PRKD1: variants seen among roughly 807,000 people sequenced by gnomAD.
PRKD1 encodes protein kinase D1.
In PRKD1, 63 loss-of-function variants were observed where a neutral mutation model predicts 95.9. That is an observed-to-expected ratio of 0.66 (90% CI 0.54 to 0.81). The LOEUF (loss-of-function observed/expected upper bound fraction) is 0.81, where lower values mean the gene tolerates loss of function less well. PRKD1 is among the 30% of genes least tolerant of loss of function. The pLI is 0.00. For synonymous variants in PRKD1, 425 were observed against 423.1 expected, an observed-to-expected ratio of 1.00 and a Z score of -0.05; for missense variants, 1,048 against 1,165.3, an observed-to-expected ratio of 0.90 and a Z score of 1.47.
At chr14:29,882,959 G>C (rs1893567376) in intron 1 of PRKD1, among the ~76,000 whole-genome samples, 1 of 152,144 alleles carries the variant, frequency 6.6e-6, no homozygotes, top group Admixed American at 6.5e-5. Flanking sequence ...GTATTACGTT[G>C]TTCTAGCATT....
At chr14:29,878,341 CAAAA>C (rs58074850) in intron 1 of PRKD1, among the ~76,000 whole-genome samples, 33 of 49,840 alleles carry the variant, frequency 6.6e-4, no homozygotes, top group Non-Finnish European at 1.5e-3. Flanking sequence ...GTTCTAATGA[CAAAA>C]AAAAAAAAAA....
intron 4 of PRKD1, among the ~76,000 whole-genome samples, chr14:29,641,711 C>T (rs1176345926): frequency 2.0e-5 from 3 of 151,980 alleles, no homozygotes; most frequent in African/African-American, 7.3e-5. Context: ...GGGTTTTTAT[C>T]CTTCCTTCAA....
intron 1 of PRKD1, among the ~76,000 whole-genome samples, chr14:29,845,523 T>G (rs149280953): frequency 2.6e-5 from 4 of 152,156 alleles, no homozygotes; most frequent in African/African-American, 9.6e-5. Context: ...GACAATGGGA[T>G]AGAAATAAAT....
chr14:29,851,901 TA>T (rs1462004893), intron 1 of PRKD1, among the ~76,000 whole-genome samples: 2 of 152,036 alleles, frequency 1.3e-5, no homozygotes, highest in African/African-American at 4.8e-5. Context: ...TACACAGCCA[TA>T]AAAAAGAACA....
intron 4 of PRKD1, among the ~76,000 whole-genome samples, chr14:29,653,312 T>C (rs960762362): frequency 2.0e-5 from 3 of 152,266 alleles, no homozygotes; most frequent in African/African-American, 7.2e-5. Context: ...ATGTTAAGAA[T>C]AACCAAAAAG....
chr14:29,684,908 T>C (rs959446439), intron 2 of PRKD1, among the ~76,000 whole-genome samples: 1 of 152,256 alleles, frequency 6.6e-6, no homozygotes, highest in African/African-American at 2.4e-5. Flanking sequence ...TTCTTGCTTT[T>C]CATGCTTTGA....
intron 1 of PRKD1, among the ~76,000 whole-genome samples, chr14:29,834,579 A>G (rs906124476): frequency 1.4e-4 from 21 of 152,186 alleles, no homozygotes; most frequent in African/African-American, 5.1e-4. Flanking sequence ...ATTTATAGAT[A>G]ATTTACTATA....
At chr14:29,906,950 C>T (rs980584424) in intron 1 of PRKD1, among the ~76,000 whole-genome samples, 8 of 152,242 alleles carry the variant, frequency 5.3e-5, no homozygotes, top group East Asian at 3.9e-4. Context: ...TTTTATTATT[C>T]GCATAATTTT....
At chr14:29,639,220 A>G (rs1474376323) in intron 4 of PRKD1, among the ~76,000 whole-genome samples, 1 of 152,232 alleles carries the variant, frequency 6.6e-6, no homozygotes, top group African/African-American at 2.4e-5. Flanking sequence ...GGAGTCAAAT[A>G]AACAGTGCAA....
Position 29,663,777 on chromosome 14 carries a change from G to A in PRKD1, c.618C>T (p.Asn206=), listed in dbSNP as rs55949943. Residue 206 remains asparagine, a synonymous_variant, in exon 4 of 18, where the codon AAC becomes AAT. Transcript: ENST00000331968. ...CSGVRRRRLS[N]VSLTGVSTIR... is the part of the protein sequence containing the mutation. ...TGGTGCTGACCCCAGTGAGGGAAAC[G>A]TTTGAGAGCCTTCTCCGCCTCACAC... The A allele has an allele frequency of 9.4e-4, 1,522 of 1,613,964 alleles. 2 individuals carry two copies. The highest frequency in any genetic ancestry group is 4.1e-3 in the South Asian group (372 of 91,064).
intron 1 of PRKD1, among the ~76,000 whole-genome samples, chr14:29,784,216 T>C (rs943867499): frequency 3.9e-5 from 6 of 152,170 alleles, no homozygotes; most frequent in African/African-American, 1.4e-4. Flanking sequence ...GCACCATTTA[T>C]TGAAGAGGGT....
chr14:29,712,357 A>G (rs1885373736), intron 2 of PRKD1, among the ~76,000 whole-genome samples: 1 of 152,130 alleles, frequency 6.6e-6, no homozygotes, highest in Non-Finnish European at 1.5e-5. Context: ...AACAAGTTAT[A>G]ATGATCAGAA....
intron 2 of PRKD1, among the ~76,000 whole-genome samples, chr14:29,710,451 G>A (rs534689560): frequency 3.3e-5 from 5 of 152,188 alleles, no homozygotes; most frequent in South Asian, 2.1e-4. Context: ...GTTTAATTAT[G>A]AGAAAGACGT....
chr14:29,697,998 A>T (rs1884625351), intron 2 of PRKD1, among the ~76,000 whole-genome samples: 1 of 152,296 alleles, frequency 6.6e-6, no homozygotes, highest in East Asian at 1.9e-4. Context: ...AGAGATGTTC[A>T]AATAAACTTT....
chr14:29,639,500 T>C (rs1471377220), intron 4 of PRKD1, among the ~76,000 whole-genome samples: 1 of 152,046 alleles, frequency 6.6e-6, no homozygotes, highest in Admixed American at 6.6e-5. Context: ...TCGCCTGTAA[T>C]CCCAGCTACT....
chr14:29,672,352 AAAAT>A, intron 2 of PRKD1, among the ~76,000 whole-genome samples: 2 of 147,992 alleles, frequency 1.4e-5, no homozygotes, highest in Non-Finnish European at 3.0e-5. Context: ...AAAAAAAAAT[AAAAT>A]AAAATAAAAT....
intron 13 of PRKD1, 142 bp from the exon 14 acceptor site, chr14:29,599,959 G>T: frequency 1.7e-6 from 1 of 572,658 alleles, no homozygotes; most frequent in Non-Finnish European, 2.8e-6. Flanking sequence ...CATTCCACAT[G>T]TGCTGCCTTA....
chr14:29,909,024 CGA>C (rs1237231857), intron 1 of PRKD1, among the ~76,000 whole-genome samples: 1 of 152,152 alleles, frequency 6.6e-6, no homozygotes. Flanking sequence ...ACCAGGGCTG[CGA>C]GTGGCGCTCA....
Position 29,690,116 on chromosome 14 carries a change from C to T in PRKD1, c.404-23908G>A, listed in dbSNP as rs61175088. ...CACATGCTGCACATGTATCCCGGAA[C>T]TTAAAAGTTGAAGGAAAAAACAAAA... On this transcript the variant is annotated intron_variant, in intron 2 of 17. Coordinates refer to ENST00000331968, the MANE Select transcript of PRKD1 (RefSeq NM_002742.3). Among the ~76,000 whole-genome samples the T allele has an allele frequency of 7.9e-3, 1,203 of 151,684 alleles. 17 individuals carry two copies. Among genetic ancestry groups the T allele is most frequent in the African/African-American group, 0.027 (1,122 of 41,178 alleles).
Sources: gnomAD v4.1 joint callset for allele counts (sites outside exome capture counted in the v4.1 genomes callset) on GRCh38, gnomAD v4.1.1 for gene constraint, MANE v1.5 for transcripts, NCBI Gene and HGNC (gene_info 2026-07-23, HGNC 2026-07-21) for gene names.